The following DSC3 variants were observed in gnomAD, a reference collection of about 807,000 sequenced individuals.
DSC3 encodes the protein desmocollin 3, also known as desmocollin-3.
In DSC3, 97 loss-of-function variants were observed where a neutral mutation model predicts 89.5. That is an observed-to-expected ratio of 1.08 (90% CI 0.92 to 1.28). The LOEUF (loss-of-function observed/expected upper bound fraction) is 1.28. Among genes scored for constraint, DSC3 ranks in the 50% most tolerant of loss-of-function variants. The pLI is 0.00. For synonymous variants in DSC3, 436 were observed against 384.1 expected, an observed-to-expected ratio of 1.14 and a Z score of -1.58; for missense variants, 1,199 against 1,085.3, an observed-to-expected ratio of 1.10 and a Z score of -1.47.
At chr18:31,009,672 T>C (rs1019154866) in intron 9 of DSC3, among the ~76,000 whole-genome samples, 1 of 152,176 alleles carries the variant, frequency 6.6e-6, no homozygotes, top group African/African-American at 2.4e-5. Flanking sequence ...TCTAAGGCAC[T>C]ACTCTAACAG....
At position 31,022,412 on chromosome 18, in the gene DSC3, G is replaced by T; in HGVS notation, c.866C>A (p.Pro289Gln). ...RLKYSILQQT[P>Q]RSPGLFSVHP... The stretch of plus-strand genomic sequence containing the variant: ...CACAGAAAAGAGCCCAGGTGACCTT[G>T]GTGTCTGCTGCAAAATGCTGTATTT... Residue 289 changes from proline to glutamine, a missense_variant, in exon 7 of 16, where the codon CCA becomes CAA. By Grantham distance (76) the Pro-to-Gln change is moderately conservative (BLOSUM62 -1). Transcript: ENST00000360428. The T allele has an allele frequency of 2.5e-6, 4 of 1,614,036 alleles. No homozygotes were observed. Among genetic ancestry groups the T allele is most frequent in the Non-Finnish European group, 2.5e-6 (3 of 1,179,964 alleles).
In DSC3 at chr18:30,990,101, A is replaced by G. The variant is rs947675610; in HGVS notation, c.*4074T>C. On this transcript the variant is annotated 3_prime_UTR_variant, in exon 16 of 16. Transcript: ENST00000360428. ...TATATCCAACTACATAATTTTACCA[A>G]CTACCTCACACTTATAATTCTTTTA... The G allele has an allele frequency of 6.6e-6, 1 of 152,206 alleles. No homozygotes were observed. The highest frequency in any genetic ancestry group is 2.4e-5 in the African/African-American group (1 of 41,452). The allele number at this position is 152,206 out of a possible 1,614,324, so 9.4% of individuals were successfully genotyped here. A position where few individuals can be genotyped will look rare whatever the true frequency, so the allele number is the denominator to read the frequency against.
chr18:31,040,280 T>C (rs930753860), intron 1 of DSC3, among the ~76,000 whole-genome samples: 9 of 152,076 alleles, frequency 5.9e-5, no homozygotes, highest in Middle Eastern at 3.2e-3. Flanking sequence ...CTAGATAACA[T>C]AATCTTAAAG....
chr18:31,040,970 C>A (rs1238557482), intron 1 of DSC3, among the ~76,000 whole-genome samples: 1 of 151,222 alleles, frequency 6.6e-6, no homozygotes, highest in Non-Finnish European at 1.5e-5. Context: ...TCTCCAGATA[C>A]AGCATTTAAC....
intron 7 of DSC3, among the ~76,000 whole-genome samples, chr18:31,021,616 T>G (rs1271414476): frequency 6.6e-6 from 1 of 152,180 alleles, no homozygotes; most frequent in African/African-American, 2.4e-5. Flanking sequence ...CCAATAAAGC[T>G]ATTTTGTCCA....
At position 30,989,997 on chromosome 18, in the gene DSC3, T is replaced by C. The variant is rs1984178539; in HGVS notation, c.*4178A>G. The C allele has an allele frequency of 6.6e-6, 1 of 152,220 alleles. No homozygotes were observed. The highest frequency in any genetic ancestry group is 2.4e-5 in the African/African-American group (1 of 41,456). 9.4% of individuals were successfully genotyped at this position (152,220 alleles called of 1,614,324 possible). A position where few individuals can be genotyped will look rare whatever the true frequency, so the allele number is the denominator to read the frequency against. ...AGAAAGAATAAATTATCAATTCCATTGTCTGGAAATCATGTTTCGGGATTA... is the reference window on the plus strand; with the variant it reads ...AGAAAGAATAAATTATCAATTCCATCGTCTGGAAATCATGTTTCGGGATTA... On this transcript the variant is annotated 3_prime_UTR_variant, in exon 16 of 16. Transcript: ENST00000360428.
chr18:31,004,274 T>A lies in DSC3; in HGVS notation c.1981A>T (p.Thr661Ser), dbSNP rs753949425. Reference protein sequence around the residue: ...TVKDRAGQAATKLLRVNLCEC... With the variant: ...TVKDRAGQAASKLLRVNLCEC... The stretch of plus-strand genomic sequence containing the variant: ...CACAGATTAACTCTCAATAATTTTG[T>A]TGCAGCTTGGCCGGCCCTGTCTTTT... Residue 661 changes from threonine (T) to serine (S), a missense_variant, in exon 13 of 16, where the codon ACA becomes TCA. Thr to Ser is a moderately conservative substitution (Grantham distance 58). Coordinates refer to ENST00000360428, the MANE Select transcript of DSC3 (RefSeq NM_001941.5). 6.2e-7 allele frequency: 1 copy of A among 1,614,056 alleles called. No homozygotes were observed. The highest frequency in any genetic ancestry group is 1.7e-5 in the Admixed American group (1 of 60,004).
intron 9 of DSC3, among the ~76,000 whole-genome samples, chr18:31,009,504 T>A (rs1174563426): frequency 1.3e-5 from 2 of 152,222 alleles, no homozygotes; most frequent in African/African-American, 4.8e-5. Context: ...AAAACCTTTA[T>A]CCATCCATGC....
intron 11 of DSC3, 135 bp from the exon 12 acceptor site, chr18:31,007,266 A>G: frequency 1.5e-6 from 1 of 661,024 alleles, no homozygotes; most frequent in Non-Finnish European, 2.6e-6. Context: ...ATAAATAAAT[A>G]AGAACATAGA....
At chr18:30,994,598 T>C (rs1260979052) in intron 15 of DSC3, 8 of 892,408 alleles carry the variant, frequency 9.0e-6, no homozygotes, top group Non-Finnish European at 1.4e-5. Flanking sequence ...AAATTATGTA[T>C]ACAAGTTTTA....
rs1286794204 is a variant in DSC3, at chr18:31,008,045, T to C, written c.1634A>G (p.Tyr545Cys). The change falls in exon 11 of 16, where the codon TAT (tyrosine) becomes TGT (cysteine). Residue 545 changes from tyrosine (Y) to cysteine (C), a missense_variant. Tyr to Cys is a radical substitution (Grantham distance 194, BLOSUM62 -2). Coordinates refer to ENST00000360428, the MANE Select transcript of DSC3 (RefSeq NM_001941.5). ...REVETPKNEL[Y>C]NITVLAIDKD... The stretch of plus-strand genomic sequence containing the variant: ...GTCTATTGCCAGGACTGTAATATTA[T>C]ACAACTCATTTTTGGGAGTTTCAAC... The C allele has an allele frequency of 1.9e-6, 3 of 1,613,300 alleles. No homozygotes were observed. Among genetic ancestry groups the C allele is most frequent in the South Asian group, 2.2e-5 (2 of 91,056 alleles).
Position 31,008,095 on chromosome 18 carries a change from T to A in DSC3, c.1584A>T (p.Ile528=). The A allele has an allele frequency of 6.2e-7, 1 of 1,613,248 alleles. No homozygotes were observed. Among genetic ancestry groups the A allele is most frequent in the Non-Finnish European group, 8.5e-7 (1 of 1,179,584 alleles). The stretch of plus-strand genomic sequence containing the variant: ...CCTCCCTATCCAGGATTTTGGAAGT[T>A]ATGATTGACCCTGAAATTTCATCAA... The part of the protein sequence containing the change: ...ITIDEISGSI[I]TSKILDREVE... Residue 528 remains isoleucine, a synonymous_variant, in exon 11 of 16, where the codon ATA becomes ATT. Transcript: ENST00000360428.
Position 31,018,219 on chromosome 18 carries a change from T to G in DSC3, c.1115A>C (p.Glu372Ala), listed in dbSNP as rs1237188798. Residue 372 changes from glutamate to alanine, a missense_variant, in exon 9 of 16, where the codon GAA (glutamate) becomes GCA (alanine). Transcript: ENST00000360428. ...ATCTTCTATAGGTATTCGTAAGATT[T>G]CCACATTGAATGCATTTTCCTCTAC... ...AFVEENAFNV[E>A]ILRIPIEDKD... The G allele has an allele frequency of 6.2e-7, 1 of 1,612,070 alleles. No individual in the cohort carries two copies. Among genetic ancestry groups the G allele is most frequent in the Admixed American group, 1.7e-5 (1 of 59,972 alleles).
rs895747408 is a variant in DSC3 at position 30,993,187 on chromosome 18, G to C, written c.*988C>G. The C allele has an allele frequency of 6.6e-5, 10 of 152,108 alleles. 1 individual carries two copies. Among genetic ancestry groups the C allele is most frequent in the Admixed American group, 3.9e-4 (6 of 15,264 alleles). The allele number at this position is 152,108 out of a possible 1,614,324, so 9.4% of individuals were successfully genotyped here. On this transcript the variant is annotated 3_prime_UTR_variant, in exon 16 of 16. Transcript: ENST00000360428. Reference sequence around the variant, plus strand: ...TAAAGGTAAGTTTTAAAATGTTTTTGTTATTAGCTCCCCGAAAAAAACACC... The same window carrying C: ...TAAAGGTAAGTTTTAAAATGTTTTTCTTATTAGCTCCCCGAAAAAAACACC...
chr18:31,025,789 C>T lies in DSC3; in HGVS notation c.601G>A (p.Val201Met). 1 of 1,613,260 alleles carries T rather than the reference C, an allele frequency of 6.2e-7. No individual in the cohort carries two copies. The highest frequency in any genetic ancestry group is 8.5e-7 in the Non-Finnish European group (1 of 1,179,412). The change falls in exon 5 of 16, where the codon GTG (valine) becomes ATG (methionine). Residue 201 changes from valine (V) to methionine (M), a missense_variant. By Grantham distance (21) the Val-to-Met change is conservative (BLOSUM62 1). Transcript: ENST00000360428. ...DTGNLFCTRP[V>M]DREEYDVFDL... is the part of the protein sequence containing the mutation. Reference sequence around the variant, plus strand: ...AAAACATCATATTCTTCACGATCCACAGGCCGAGTGCAAAATAGATTTCCA... The same window carrying T: ...AAAACATCATATTCTTCACGATCCATAGGCCGAGTGCAAAATAGATTTCCA...
Position 30,990,339 on chromosome 18 carries a change from C to A in DSC3, c.*3836G>T, listed in dbSNP as rs1242245713. ...TGTCCATGCTTCTCAACCATTATGA[C>A]CCAATATTCAACCAAATCAATACTG... On this transcript the variant is annotated 3_prime_UTR_variant, in exon 16 of 16. Coordinates refer to ENST00000360428, the MANE Select transcript of DSC3 (RefSeq NM_001941.5). 1.3e-5 allele frequency: 2 copies of A among 152,102 alleles called. No individual in the cohort carries two copies. Among genetic ancestry groups the A allele is most frequent in the South Asian group, 2.1e-4 (1 of 4,820 alleles). The allele number at this position is 152,102 out of a possible 1,614,324, so 9.4% of individuals were successfully genotyped here.
Position 31,031,119 on chromosome 18 carries a change from C to CT in DSC3, c.207_208insA (p.Asp70ArgfsTer7). ...GACCCATCATTTAGAACTCTGAAAT[C>CT]AGGATCACTTGACCGGATGAGGTCT... On this transcript the variant is annotated frameshift_variant, in exon 3 of 16. Coordinates refer to ENST00000360428, the MANE Select transcript of DSC3 (RefSeq NM_001941.5). LOFTEE classifies it high-confidence loss of function. 1 of 1,613,544 alleles carries CT rather than the reference C, an allele frequency of 6.2e-7. No homozygotes were observed. The highest frequency in any genetic ancestry group is 8.5e-7 in the Non-Finnish European group (1 of 1,179,858).
intron 13 of DSC3, among the ~76,000 whole-genome samples, chr18:31,002,881 A>G (rs1984713578): frequency 6.6e-6 from 1 of 152,178 alleles, no homozygotes. Context: ...ATGGCCTGCA[A>G]AGCTTGACAT....
intron 5 of DSC3, 39 bp from the exon 6 acceptor site, chr18:31,024,532 T>A: frequency 6.2e-7 from 1 of 1,601,982 alleles, no homozygotes; most frequent in South Asian, 1.1e-5. Flanking sequence ...TAATATCAGA[T>A]CCCGGCAAGA....
Sources: allele counts gnomAD v4.1 joint callset (sites outside exome capture counted in the v4.1 genomes callset), GRCh38; gene constraint gnomAD v4.1.1; transcripts MANE v1.5; gene names NCBI Gene and HGNC (gene_info 2026-07-23, HGNC 2026-07-21).